BLTP3A: variants seen among roughly 807,000 people sequenced by gnomAD.
BLTP3A encodes ICBP90 binding protein 1.
the BLTP3A span, among the ~76,000 whole-genome samples, chr6:34,823,089 T>C: frequency 2.0e-5 from 3 of 152,216 alleles, no homozygotes; most frequent in South Asian, 4.1e-4. Flanking sequence ...CCTTGCATTT[T>C]AGTTTGTTCA....
chr6:34,836,139 C>G, the BLTP3A span: 1 of 1,608,478 alleles, frequency 6.2e-7, no homozygotes, highest in Non-Finnish European at 8.5e-7. Flanking sequence ...TCCTGTTTCT[C>G]TCTCTGTCAC....
chr6:34,816,634 G>A, the BLTP3A span, among the ~76,000 whole-genome samples: 1 of 151,966 alleles, frequency 6.6e-6, no homozygotes, highest in South Asian at 2.1e-4. Flanking sequence ...AAATAAAAAT[G>A]GCTTTTTATC....
At chr6:34,793,111 C>G in the BLTP3A span, among the ~76,000 whole-genome samples, 1 of 152,178 alleles carries the variant, frequency 6.6e-6, no homozygotes, top group Non-Finnish European at 1.5e-5. Flanking sequence ...TGCTTTGCAG[C>G]CTTTTATTAA....
At chr6:34,850,558 C>A in the BLTP3A span, among the ~76,000 whole-genome samples, 2 of 151,874 alleles carry the variant, frequency 1.3e-5, no homozygotes, top group African/African-American at 2.4e-5. Context: ...ATTCTTTTTT[C>A]TTGTATCTCC....
At chr6:34,820,259 A>G in the BLTP3A span, among the ~76,000 whole-genome samples, 1 of 151,342 alleles carries the variant, frequency 6.6e-6, no homozygotes, top group Admixed American at 6.6e-5. Flanking sequence ...CATTTCTCTC[A>G]TCCCTATCTT....
At chr6:34,839,659 A>C in the BLTP3A span, among the ~76,000 whole-genome samples, 1 of 152,204 alleles carries the variant, frequency 6.6e-6, no homozygotes, top group Admixed American at 6.5e-5. Context: ...GGGCACTGCC[A>C]GGGGGTAGGC....
chr6:34,806,089 T>G, the BLTP3A span, among the ~76,000 whole-genome samples: 30 of 152,318 alleles, frequency 2.0e-4, no homozygotes, highest in African/African-American at 7.2e-4. Context: ...TAGAGTTGAT[T>G]TGCAATGTGT....
the BLTP3A span, chr6:34,872,336 A>G: frequency 1.9e-6 from 3 of 1,610,454 alleles, no homozygotes; most frequent in South Asian, 1.1e-5. Flanking sequence ...CTATCCTACA[A>G]AAAGAACTTA....
the BLTP3A span, among the ~76,000 whole-genome samples, chr6:34,803,440 AC>A: frequency 1.3e-5 from 2 of 151,750 alleles, no homozygotes; most frequent in African/African-American, 4.8e-5. Flanking sequence ...TTGCTACTGT[AC>A]CCCCAACCTG....
At chr6:34,839,770 G>A in the BLTP3A span, among the ~76,000 whole-genome samples, 1 of 152,234 alleles carries the variant, frequency 6.6e-6, no homozygotes, top group African/African-American at 2.4e-5. Flanking sequence ...CTGCGCGGGT[G>A]GCTCTCCCTT....
At chr6:34,799,755 C>T in the BLTP3A span, among the ~76,000 whole-genome samples, 1 of 152,154 alleles carries the variant, frequency 6.6e-6, no homozygotes, top group Non-Finnish European at 1.5e-5. Context: ...GTAAAATGGG[C>T]ATAATAACGC....
chr6:34,829,027 C>CAAAAAAAAAAAAAAAA, the BLTP3A span, among the ~76,000 whole-genome samples: 3 of 50,724 alleles, frequency 5.9e-5, no homozygotes, highest in African/African-American at 1.9e-4. Context: ...AACTCCATCT[C>CAAAAAAAAAAAAAAAA]AAAAAAAAAA....
chr6:34,828,681 C>T, the BLTP3A span, among the ~76,000 whole-genome samples: 1 of 152,050 alleles, frequency 6.6e-6, no homozygotes, highest in South Asian at 2.1e-4. Flanking sequence ...TAAGTCACTT[C>T]ATATTTTGCC....
the BLTP3A span, among the ~76,000 whole-genome samples, chr6:34,829,474 A>T: frequency 6.6e-6 from 1 of 152,176 alleles, no homozygotes; most frequent in South Asian, 2.1e-4. Context: ...GTAAATATAT[A>T]CTCATTTGCT....
chr6:34,828,718 C>G, the BLTP3A span, among the ~76,000 whole-genome samples: 1 of 151,134 alleles, frequency 6.6e-6, no homozygotes. Context: ...CTTATTCTTT[C>G]TTTTCTTACA....
chr6:34,834,983 G>T, the BLTP3A span: 1 of 1,277,458 alleles, frequency 7.8e-7, no homozygotes, highest in Non-Finnish European at 1.1e-6. Flanking sequence ...AAGGGGGAAG[G>T]CCTGTAAATC....
chr6:34,800,022 T>C, the BLTP3A span, among the ~76,000 whole-genome samples: 1 of 152,188 alleles, frequency 6.6e-6, no homozygotes, highest in African/African-American at 2.4e-5. Context: ...GAGGTTGAGA[T>C]TAATGCTTTT....
the BLTP3A span, among the ~76,000 whole-genome samples, chr6:34,808,346 CAAAAA>C: frequency 1.9e-4 from 5 of 26,734 alleles, no homozygotes; most frequent in Admixed American, 5.4e-4. Context: ...AACTCCGTCT[CAAAAA>C]AAAAAAAAAA....
chr6:34,831,750 C>A, the BLTP3A span, among the ~76,000 whole-genome samples: 2 of 152,218 alleles, frequency 1.3e-5, no homozygotes, highest in African/African-American at 2.4e-5. Flanking sequence ...TTTCCCCCTG[C>A]ACTGTCACCT....
Sources: gnomAD v4.1 joint callset for allele counts (sites outside exome capture counted in the v4.1 genomes callset) on GRCh38, gnomAD v4.1.1 for gene constraint, MANE v1.5 for transcripts, NCBI Gene and HGNC (gene_info 2026-07-23, HGNC 2026-07-21) for gene names.